Variants in LIPJ observed in about 807,000 individuals in gnomAD.
The protein encoded by LIPJ is lipase member J.
Under a neutral mutation model 39.8 loss-of-function variants are expected in LIPJ, and 33 were observed. The ratio of observed to expected loss-of-function variants is 0.83; its 90% CI spans 0.63 to 1.11. LIPJ has a LOEUF of 1.11. Ranked by LOEUF, LIPJ falls within the 50% of genes least tolerant of loss-of-function variation. LIPJ has a pLI of 0.00. For missense variants in LIPJ, 422 were observed against 427.9 expected, an observed-to-expected ratio of 0.99 and a Z score of 0.12; for synonymous variants, 128 against 139.2, an observed-to-expected ratio of 0.92 and a Z score of 0.57.
At chr10:88,595,348 A>G (rs770147212) in intron 6 of LIPJ, among the ~76,000 whole-genome samples, 5 of 151,700 alleles carry the variant, frequency 3.3e-5, no homozygotes, top group Non-Finnish European at 7.4e-5. Context: ...GGTACTGTAA[A>G]CCTCTTTACC....
At chr10:88,584,883 G>A (rs529951882), upstream of LIPJ, among the ~76,000 whole-genome samples, 3 of 152,102 alleles carry the variant, frequency 2.0e-5, no homozygotes, top group East Asian at 5.8e-4. Context: ...ATACACAATG[G>A]TATATTACTG....
the LIPJ span, among the ~76,000 whole-genome samples, chr10:88,617,435 C>T: frequency 1.3e-5 from 2 of 152,298 alleles, no homozygotes; most frequent in African/African-American, 2.4e-5. Context: ...ACCAGGAATA[C>T]GTCTCCTACT....
At chr10:88,610,928 G>A (rs746755669), downstream of LIPJ, among the ~76,000 whole-genome samples, 2 of 152,206 alleles carry the variant, frequency 1.3e-5, no homozygotes, top group Non-Finnish European at 1.5e-5. Flanking sequence ...GAAGAAAACA[G>A]AGGAGAAAGT....
At chr10:88,602,610 C>T (rs1315108916) in exon 9 of LIPJ, 1 of 1,589,402 alleles carries the variant, frequency 6.3e-7, no homozygotes, top group Non-Finnish European at 8.6e-7. Flanking sequence ...CACAACCCAG[C>T]AGGAACATCT....
chr10:88,586,433 CCTTGA>C (rs1850922998), upstream of LIPJ, among the ~76,000 whole-genome samples: 1 of 151,742 alleles, frequency 6.6e-6, no homozygotes, highest in Non-Finnish European at 1.5e-5. Flanking sequence ...TGACCTTTTC[CCTTGA>C]CTTTTTTCCT....
intron 5 of LIPJ, 127 bp downstream of exon 5, chr10:88,594,271 T>G (rs2134551630): frequency 3.0e-6 from 2 of 674,014 alleles, no homozygotes; most frequent in East Asian, 2.8e-5. Flanking sequence ...CTATTACAAT[T>G]TATGTGAATT....
At chr10:88,603,865 T>G (rs774932140) in intron 9 of LIPJ, among the ~76,000 whole-genome samples, 5 of 152,184 alleles carry the variant, frequency 3.3e-5, no homozygotes, top group Non-Finnish European at 7.3e-5. Context: ...TTTAGGTAAG[T>G]TATACTTTCT....
the LIPJ span, among the ~76,000 whole-genome samples, chr10:88,612,461 C>A: frequency 2.0e-5 from 3 of 152,176 alleles, no homozygotes; most frequent in East Asian, 1.9e-4. Context: ...ACTCACCAAC[C>A]AAATTTCTCC....
chr10:88,622,448 C>T, the LIPJ span, among the ~76,000 whole-genome samples: 2 of 152,222 alleles, frequency 1.3e-5, no homozygotes, highest in African/African-American at 4.8e-5. Context: ...GAAACTTTAG[C>T]CTGCATCTCA....
At chr10:88,606,966 A>ATT in exon 11 of LIPJ, 2 of 1,358,548 alleles carry the variant, frequency 1.5e-6, no homozygotes, top group Non-Finnish European at 1.9e-6. Flanking sequence ...TCCAATTCTT[A>ATT]TTTTTTTTTA....
At chr10:88,591,567 G>A (rs1851081183) in intron 4 of LIPJ, 69 bp downstream of exon 4, 1 of 1,328,844 alleles carries the variant, frequency 7.5e-7, no homozygotes, top group Non-Finnish European at 1.0e-6. Flanking sequence ...CCAATTGACG[G>A]AGAACATAGG....
the LIPJ span, among the ~76,000 whole-genome samples, chr10:88,614,274 A>G: frequency 6.6e-6 from 1 of 152,062 alleles, no homozygotes; most frequent in Non-Finnish European, 1.5e-5. Flanking sequence ...ATTTGCTTCA[A>G]AATAATTCAG....
chr10:88,591,599 T>A, intron 4 of LIPJ, 101 bp downstream of exon 4: 1 of 1,014,032 alleles, frequency 9.9e-7, no homozygotes, highest in Non-Finnish European at 1.4e-6. Flanking sequence ...ATCTTAAGAT[T>A]AAGTGAATAG....
chr10:88,610,377 T>C (rs953875320), downstream of LIPJ, among the ~76,000 whole-genome samples: 5 of 152,172 alleles, frequency 3.3e-5, no homozygotes, highest in African/African-American at 1.2e-4. Context: ...GAAAATATTA[T>C]GCCATTTTCA....
downstream of LIPJ, among the ~76,000 whole-genome samples, chr10:88,611,501 A>C (rs1044684902): frequency 1.3e-5 from 2 of 152,236 alleles, no homozygotes; most frequent in African/African-American, 4.8e-5. Flanking sequence ...GTCCAACTTC[A>C]AGAAATCAAA....
chr10:88,597,287 T>G (rs1251131532), intron 8 of LIPJ, among the ~76,000 whole-genome samples: 1 of 151,846 alleles, frequency 6.6e-6, no homozygotes, highest in Non-Finnish European at 1.5e-5. Flanking sequence ...TAACTGCTCC[T>G]CCTGGTTCCT....
chr10:88,594,533 T>C (rs890421477), intron 5 of LIPJ, 134 bp from the exon 6 acceptor site: 2 of 495,530 alleles, frequency 4.0e-6, no homozygotes, highest in African/African-American at 4.0e-5. Context: ...TCAGAAGATA[T>C]ATTATACCGT....
chr10:88,583,391 G>C, upstream of LIPJ: 4 of 1,383,514 alleles, frequency 2.9e-6, no homozygotes, highest in Non-Finnish European at 3.7e-6. Context: ...CCGTCCTTGA[G>C]GAGCAAACCT....
downstream of LIPJ, among the ~76,000 whole-genome samples, chr10:88,610,827 G>A (rs569000588): frequency 1.8e-4 from 27 of 152,198 alleles, no homozygotes; most frequent in Non-Finnish European, 2.8e-4. Context: ...TAAAAAAGAC[G>A]AACTTTAACC....
Sources: gnomAD v4.1 joint callset for allele counts (sites outside exome capture counted in the v4.1 genomes callset) on GRCh38, gnomAD v4.1.1 for gene constraint, MANE v1.5 for transcripts, NCBI Gene and HGNC (gene_info 2026-07-23, HGNC 2026-07-21) for gene names.